PRKD1: variants seen among roughly 807,000 people sequenced by gnomAD.
PRKD1 encodes the protein serine/threonine-protein kinase D1.
A neutral mutation model predicts 95.9 loss-of-function variants in PRKD1; 63 were observed. The observed-to-expected ratio is 0.66, with a 90% confidence interval of 0.54 to 0.81. PRKD1 has a LOEUF of 0.81. PRKD1 is among the 30% of genes least tolerant of loss of function. PRKD1 has a pLI of 0.00. For missense variants in PRKD1, 1,048 were observed against 1,165.3 expected, an observed-to-expected ratio of 0.90 and a Z score of 1.47; for synonymous variants, 425 against 423.1, an observed-to-expected ratio of 1.00 and a Z score of -0.05.
At chr14:29,655,225 G>A (rs946110781) in intron 4 of PRKD1, among the ~76,000 whole-genome samples, 1 of 152,142 alleles carries the variant, frequency 6.6e-6, no homozygotes, top group Admixed American at 6.5e-5. Context: ...AAATTTACAA[G>A]ACTATAAAAA....
chr14:29,902,734 T>C (rs1370926438), intron 1 of PRKD1, among the ~76,000 whole-genome samples: 2 of 152,228 alleles, frequency 1.3e-5, no homozygotes, highest in Non-Finnish European at 2.9e-5. Flanking sequence ...GGCTTTCCAA[T>C]CATTTTTATA....
At chr14:29,587,124 G>A (rs548627305) in intron 16 of PRKD1, among the ~76,000 whole-genome samples, 3 of 152,108 alleles carry the variant, frequency 2.0e-5, no homozygotes, top group Non-Finnish European at 2.9e-5. Context: ...GTCTTTATTT[G>A]GAAAGGGATT....
chr14:29,823,951 G>GCTAA (rs1333801899), intron 1 of PRKD1, among the ~76,000 whole-genome samples: 1 of 152,104 alleles, frequency 6.6e-6, no homozygotes, highest in Non-Finnish European at 1.5e-5. Context: ...GAACTCTGGG[G>GCTAA]CTAAGCCTTA....
chr14:29,908,814 A>G (rs1894588742), intron 1 of PRKD1, among the ~76,000 whole-genome samples: 1 of 152,162 alleles, frequency 6.6e-6, no homozygotes, highest in Non-Finnish European at 1.5e-5. Context: ...AGTTGTGACT[A>G]GACGGTTTTA....
chr14:29,808,300 A>G (rs1027826301), intron 1 of PRKD1, among the ~76,000 whole-genome samples: 1 of 148,940 alleles, frequency 6.7e-6, no homozygotes, highest in Non-Finnish European at 1.5e-5. Flanking sequence ...TTGTTCATCC[A>G]TAAGAAGCCA....
intron 2 of PRKD1, among the ~76,000 whole-genome samples, chr14:29,701,044 T>TA (rs1262965994): frequency 2.2e-5 from 3 of 138,144 alleles, no homozygotes; most frequent in African/African-American, 8.6e-5. Flanking sequence ...TCCTACTTAA[T>TA]AGAGTTCAGA....
chr14:29,757,629 A>G (rs45520241), intron 1 of PRKD1, among the ~76,000 whole-genome samples: 33,709 of 151,308 alleles, frequency 0.22, 3,987 homozygotes, highest in African/African-American at 0.27. Flanking sequence ...TGGTTTTATT[A>G]TGGACAGAAA....
chr14:29,642,327 A>G (rs1011492196), intron 4 of PRKD1, among the ~76,000 whole-genome samples: 2 of 152,208 alleles, frequency 1.3e-5, no homozygotes, highest in African/African-American at 4.8e-5. Flanking sequence ...TAAAATTCCA[A>G]TTATTATGTG....
chr14:29,872,707 T>A (rs1160164947), intron 1 of PRKD1, among the ~76,000 whole-genome samples: 1 of 152,118 alleles, frequency 6.6e-6, no homozygotes, highest in African/African-American at 2.4e-5. Flanking sequence ...ATATCCCTTT[T>A]CTTTCTTGCC....
chr14:29,915,402 G>C (rs566034428), intron 1 of PRKD1, among the ~76,000 whole-genome samples: 1 of 152,104 alleles, frequency 6.6e-6, no homozygotes, highest in Non-Finnish European at 1.5e-5. Flanking sequence ...ACAATTAGAC[G>C]TACTATAGAT....
At position 29,632,853 on chromosome 14, in the gene PRKD1, A is replaced by C; in HGVS notation, c.1392+16T>G. Reference sequence around the variant, plus strand: ...AATAAGAGGTATGAAACTACAAAGAAAGAGCCCACTCTTACCTTGTAGTAC... The same window carrying C: ...AATAAGAGGTATGAAACTACAAAGACAGAGCCCACTCTTACCTTGTAGTAC... On this transcript the variant is annotated intron_variant, in intron 9 of 17. Transcript: ENST00000331968. 1 of 1,592,000 alleles carries C rather than the reference A, an allele frequency of 6.3e-7. No homozygotes were observed. The highest frequency in any genetic ancestry group is 8.6e-7 in the Non-Finnish European group (1 of 1,160,146).
At chr14:29,699,795 G>T (rs1355247423) in intron 2 of PRKD1, among the ~76,000 whole-genome samples, 1 of 152,046 alleles carries the variant, frequency 6.6e-6, no homozygotes, top group Non-Finnish European at 1.5e-5. Context: ...TTGTTTTACT[G>T]ATTCAAAGTG....
At chr14:29,836,228 G>A in intron 1 of PRKD1, among the ~76,000 whole-genome samples, 1 of 152,218 alleles carries the variant, frequency 6.6e-6, no homozygotes, top group East Asian at 1.9e-4. Flanking sequence ...GAGCTGATTT[G>A]AGGGGCTGAG....
At position 29,602,876 on chromosome 14, in the gene PRKD1, A is replaced by G. The variant is rs75667311; in HGVS notation, c.1906-3059T>C. 6.5e-3 allele frequency among the ~76,000 whole-genome samples: 989 copies of G among 152,326 alleles called. 21 individuals carry two copies. Among genetic ancestry groups the G allele is most frequent in the African/African-American group, 0.022 (918 of 41,574 alleles). Reference sequence around the variant, plus strand: ...AATTGGGGTATTCACAGAATGTTCTAAATCAAAAGTAAGTGACAGATTAAT... The same window carrying G: ...AATTGGGGTATTCACAGAATGTTCTGAATCAAAAGTAAGTGACAGATTAAT... On this transcript the variant is annotated intron_variant, in intron 13 of 17. Coordinates refer to ENST00000331968, the MANE Select transcript of PRKD1 (RefSeq NM_002742.3).
chr14:29,777,933 T>C (rs1189314510), intron 1 of PRKD1, among the ~76,000 whole-genome samples: 1 of 152,142 alleles, frequency 6.6e-6, no homozygotes, highest in African/African-American at 2.4e-5. Flanking sequence ...ACAGAAATTA[T>C]AACAAACTGT....
intron 16 of PRKD1, among the ~76,000 whole-genome samples, chr14:29,593,641 G>C (rs1893205119): frequency 3.3e-5 from 5 of 152,170 alleles, no homozygotes; most frequent in Admixed American, 3.3e-4. Flanking sequence ...GCTTTAAGAA[G>C]TCATCTTAAA....
chr14:29,803,533 A>C (rs561910545), intron 1 of PRKD1, among the ~76,000 whole-genome samples: 2 of 152,298 alleles, frequency 1.3e-5, no homozygotes, highest in South Asian at 4.1e-4. Context: ...GAATTGCAAC[A>C]GTTTAAGTAG....
intron 13 of PRKD1, among the ~76,000 whole-genome samples, chr14:29,614,645 T>C (rs947105298): frequency 1.3e-5 from 2 of 152,020 alleles, no homozygotes; most frequent in Admixed American, 1.3e-4. Flanking sequence ...AAATTAGTCA[T>C]GGAGAATATT....
chr14:29,709,466 A>G (rs948749075), intron 2 of PRKD1, among the ~76,000 whole-genome samples: 1 of 152,162 alleles, frequency 6.6e-6, no homozygotes, highest in African/African-American at 2.4e-5. Context: ...CATTGCTCTC[A>G]TTGTTCAGGG....
Sources: gnomAD v4.1 joint callset for allele counts (sites outside exome capture counted in the v4.1 genomes callset) on GRCh38, gnomAD v4.1.1 for gene constraint, MANE v1.5 for transcripts, NCBI Gene and HGNC (gene_info 2026-07-23, HGNC 2026-07-21) for gene names.